The following CCDC85C variants were observed in gnomAD, a reference collection of about 807,000 sequenced individuals.
CCDC85C encodes the protein coiled-coil domain-containing protein 85C.
A neutral mutation model predicts 38.3 loss-of-function variants in CCDC85C; 18 were observed. The observed-to-expected ratio is 0.47, with a 90% CI of 0.33 to 0.70. CCDC85C has a LOEUF of 0.70. Among genes scored for constraint, CCDC85C ranks in the 30% least tolerant of loss-of-function variants. The probability of loss-of-function intolerance (pLI) is 0.03; values close to 1 mark genes in which losing one functional copy is unlikely to be tolerated. For missense variants in CCDC85C, 566 were observed against 621.2 expected, an observed-to-expected ratio of 0.91 and a Z score of 0.94; for synonymous variants, 264 against 293.8, an observed-to-expected ratio of 0.90 and a Z score of 1.04.
intron 1 of CCDC85C, among the ~76,000 whole-genome samples, chr14:99,595,605 T>A (rs987087159): frequency 2.6e-5 from 4 of 152,116 alleles, no homozygotes; most frequent in Admixed American, 1.3e-4. Flanking sequence ...CCACCCCTCC[T>A]CTGAGCTCCC....
Position 99,535,980 on chromosome 14 carries a change from G to A in CCDC85C, c.867+35C>T, listed in dbSNP as rs538976365. 58 of 1,518,072 alleles carry A rather than the reference G, an allele frequency of 3.8e-5. No homozygotes were observed. Among genetic ancestry groups the A allele is most frequent in the South Asian group, 2.6e-4 (22 of 83,372 alleles). The allele number at this position is 1,518,072 out of a possible 1,614,324, so 94.0% of individuals were successfully genotyped here. On this transcript the variant is annotated intron_variant, in intron 2 of 5. Transcript: ENST00000380243. The surrounding 1 kb of genome is among the most constrained non-coding windows in gnomAD (Gnocchi z 5.5). The stretch of plus-strand genomic sequence containing the variant: ...GCTGGAGGGGTGGGTGCTGGGTCGC[G>A]GTCCTCAAGGCAGCGCCACCCGAAG...
intron 1 of CCDC85C, among the ~76,000 whole-genome samples, chr14:99,556,910 GAAAA>G (rs34139658): frequency 6.9e-6 from 1 of 145,884 alleles, no homozygotes; most frequent in East Asian, 2.0e-4. Flanking sequence ...AAATACTTCA[GAAAA>G]AAAAAAAAGT....
chr14:99,560,470 C>T (rs566054773), intron 1 of CCDC85C, among the ~76,000 whole-genome samples: 14 of 152,340 alleles, frequency 9.2e-5, no homozygotes, highest in African/African-American at 3.4e-4. Context: ...GCCATGAGTA[C>T]CACACACAGA....
rs1207014544 is a variant in CCDC85C, at chr14:99,513,138, C to A, written c.*2108G>T. The A allele has an allele frequency of 6.6e-6, 1 of 152,228 alleles. No individual in the cohort carries two copies. Among genetic ancestry groups the A allele is most frequent in the Non-Finnish European group, 1.5e-5 (1 of 68,054 alleles). 9.4% of individuals were successfully genotyped at this position (152,228 alleles called of 1,614,324 possible). On this transcript the variant is annotated 3_prime_UTR_variant, in exon 6 of 6. Coordinates refer to ENST00000380243, the MANE Select transcript of CCDC85C (RefSeq NM_001144995.2). ...GGGGAAAGGTGGCTTCAAGGCTGTT[C>A]TCTGGGCCTGTTTGCAGGAGATCCG...
chr14:99,503,779 A>G lies in CCDC85C; in HGVS notation c.*11467T>C, dbSNP rs563325830. The G allele has an allele frequency of 1.3e-5, 9 of 697,540 alleles. No individual in the cohort carries two copies. The East Asian group carries it at 1.9e-4, about 15-fold the overall frequency. The allele number at this position is 697,540 out of a possible 1,614,324, so 43.2% of individuals were successfully genotyped here. A position where few individuals can be genotyped will look rare whatever the true frequency, so the allele number is the denominator to read the frequency against. ...TTTAGAGCTCATACAAAACTTTTCCATCAGCATTGTCTTTCTGTTCATCAC... is the reference window on the plus strand; with the variant it reads ...TTTAGAGCTCATACAAAACTTTTCCGTCAGCATTGTCTTTCTGTTCATCAC... On this transcript the variant is annotated 3_prime_UTR_variant, in exon 6 of 6. Coordinates refer to ENST00000380243, the MANE Select transcript of CCDC85C (RefSeq NM_001144995.2).
rs188993074 is a variant in CCDC85C, at chr14:99,560,766, G to A, written c.794-24678C>T. ...CAGGTGAGAGAGTGGCCGCCTGGGC[G>A]GAGTCGCAGAACACCAAGCGAGCAG... On this transcript the variant is annotated intron_variant, in intron 1 of 5. Transcript: ENST00000380243. Among the ~76,000 whole-genome samples, 1,298 of 152,312 alleles carry A rather than the reference G, an allele frequency of 8.5e-3. 9 individuals carry two copies. The highest frequency in any genetic ancestry group is 0.014 in the Non-Finnish European group (927 of 68,008).
Position 99,507,255 on chromosome 14 carries a change from A to C in CCDC85C, c.*7991T>G. ...AGGGAGACTGGGGCCCAGATTGACA[A>C]TGTCAGCCACAGGCAGGAATCTTTG... is the stretch of plus-strand genomic sequence containing the variant. On this transcript the variant is annotated 3_prime_UTR_variant, in exon 6 of 6. Transcript: ENST00000380243. 1 of 772,250 alleles carries C rather than the reference A, an allele frequency of 1.3e-6. No individual in the cohort carries two copies. Among genetic ancestry groups the C allele is most frequent in the Non-Finnish European group, 2.3e-6 (1 of 429,348 alleles). 47.8% of individuals were successfully genotyped at this position (772,250 alleles called of 1,614,324 possible). A position where few individuals can be genotyped will look rare whatever the true frequency, so the allele number is the denominator to read the frequency against.
At chr14:99,592,886 G>C (rs1324904091) in intron 1 of CCDC85C, among the ~76,000 whole-genome samples, 1 of 152,236 alleles carries the variant, frequency 6.6e-6, no homozygotes, top group Non-Finnish European at 1.5e-5. Context: ...GCAAAGGCGA[G>C]GGGGAGAAGA....
intron 1 of CCDC85C, among the ~76,000 whole-genome samples, chr14:99,546,101 G>A (rs1298658508): frequency 6.6e-6 from 1 of 152,052 alleles, no homozygotes; most frequent in African/African-American, 2.4e-5. Context: ...TAGAACGCAG[G>A]TGCCAAGCCC....
chr14:99,580,226 C>A, intron 1 of CCDC85C: 1 of 426,596 alleles, frequency 2.3e-6, no homozygotes, highest in Non-Finnish European at 4.7e-6. Flanking sequence ...GCCCAGCCCC[C>A]AGGGACACAG....
In CCDC85C at chr14:99,500,849, A is replaced by G. The variant is rs2069493; in HGVS notation, c.*14397T>C. On this transcript the variant is annotated 3_prime_UTR_variant, in exon 6 of 6. Coordinates refer to ENST00000380243, the MANE Select transcript of CCDC85C (RefSeq NM_001144995.2). ...TAGAACATCCATACCAGTTCCTACT[A>G]AAATATGCAAAGCAACTCAAAGGTA... 4 of 1,548,808 alleles carry G rather than the reference A, an allele frequency of 2.6e-6. No homozygotes were observed. Among genetic ancestry groups the G allele is most frequent in the Non-Finnish European group, 3.5e-6 (4 of 1,144,258 alleles).
In CCDC85C at chr14:99,544,702, T is replaced by G. The variant is rs535130483; in HGVS notation, c.794-8614A>C. On this transcript the variant is annotated intron_variant, in intron 1 of 5. Coordinates refer to ENST00000380243, the MANE Select transcript of CCDC85C (RefSeq NM_001144995.2). The surrounding 1 kb of genome is among the most constrained non-coding windows in gnomAD (Gnocchi z 5.3). ...TGAACTCCATTATCCTTGACCCATC[T>G]CTCCTCCGAGACCTCGCCTCCAAGG... Among the ~76,000 whole-genome samples the G allele has an allele frequency of 1.3e-5, 2 of 151,744 alleles. No homozygotes were observed. The highest frequency in any genetic ancestry group is 3.9e-4 in the East Asian group (2 of 5,158).
chr14:99,582,534 C>T lies in CCDC85C; in HGVS notation c.793+20633G>A, dbSNP rs1279502779. Among the ~76,000 whole-genome samples, 5 of 151,856 alleles carry T rather than the reference C, an allele frequency of 3.3e-5. 1 individual carries two copies. Among genetic ancestry groups the T allele is most frequent in the Admixed American group, 2.6e-4 (4 of 15,228 alleles). On this transcript the variant is annotated intron_variant, in intron 1 of 5. Coordinates refer to ENST00000380243, the MANE Select transcript of CCDC85C (RefSeq NM_001144995.2). Reference sequence around the variant, plus strand: ...TGAACAGAAAAAAAAAATGTTAAGTCGGCTGGGCACAGTGGCTCATGCCTG... The same window carrying T: ...TGAACAGAAAAAAAAAATGTTAAGTTGGCTGGGCACAGTGGCTCATGCCTG...
chr14:99,574,420 A>G (rs945323719), intron 1 of CCDC85C, among the ~76,000 whole-genome samples: 5 of 151,820 alleles, frequency 3.3e-5, no homozygotes, highest in African/African-American at 1.2e-4. Context: ...AGGTCCTGTC[A>G]CACCCCATAC....
At position 99,572,969 on chromosome 14, in the gene CCDC85C, T is replaced by C. The variant is rs1301978489; in HGVS notation, c.793+30198A>G. 3 of 384,484 alleles carry C rather than the reference T, an allele frequency of 7.8e-6. No homozygotes were observed. Among genetic ancestry groups the C allele is most frequent in the Non-Finnish European group, 1.6e-5 (3 of 192,940 alleles). 23.8% of individuals were successfully genotyped at this position (384,484 alleles called of 1,614,324 possible). A position where few individuals can be genotyped will look rare whatever the true frequency, so the allele number is the denominator to read the frequency against. Reference sequence around the variant, plus strand: ...TGCCTTCGCCTCCTACAAGATAGGATGGCAGCAGCCTCAGAGCAGAAGGCA... The same window carrying C: ...TGCCTTCGCCTCCTACAAGATAGGACGGCAGCAGCCTCAGAGCAGAAGGCA... On this transcript the variant is annotated intron_variant, in intron 1 of 5. Coordinates refer to ENST00000380243, the MANE Select transcript of CCDC85C (RefSeq NM_001144995.2). This position sits in a 1 kb window ranked among gnomAD's most constrained non-coding sequence, Gnocchi z 4.4.
intron 1 of CCDC85C, among the ~76,000 whole-genome samples, chr14:99,589,865 G>A (rs1012722868): frequency 3.9e-5 from 6 of 152,176 alleles, no homozygotes; most frequent in African/African-American, 4.8e-5. Context: ...TGCACCCAGG[G>A]GTTCCGAGAG....
intron 2 of CCDC85C, among the ~76,000 whole-genome samples, chr14:99,530,961 T>C (rs1253048485): frequency 6.6e-6 from 1 of 152,236 alleles, no homozygotes. Context: ...TAAATTTCTG[T>C]GGTTTAAGTC....
intron 1 of CCDC85C, among the ~76,000 whole-genome samples, chr14:99,542,965 C>T (rs1408577297): frequency 1.3e-5 from 2 of 152,234 alleles, no homozygotes; most frequent in African/African-American, 4.8e-5. Context: ...GATACCGCAA[C>T]TCCAGGCCTG....
Position 99,545,163 on chromosome 14 carries a change from G to A in CCDC85C, c.794-9075C>T, listed in dbSNP as rs986252989. On this transcript the variant is annotated intron_variant, in intron 1 of 5. Coordinates refer to ENST00000380243, the MANE Select transcript of CCDC85C (RefSeq NM_001144995.2). The surrounding 1 kb of genome is among the most constrained non-coding windows in gnomAD (Gnocchi z 4.7). ...CTCTCAGTGTCATCTGTCCCCTCGTGGGCCACTCTGCTCTGGGCTGGGGAC... is the reference window on the plus strand; with the variant it reads ...CTCTCAGTGTCATCTGTCCCCTCGTAGGCCACTCTGCTCTGGGCTGGGGAC... Among the ~76,000 whole-genome samples the A allele has an allele frequency of 1.3e-5, 2 of 152,158 alleles. No individual in the cohort carries two copies. Among genetic ancestry groups the A allele is most frequent in the African/African-American group, 2.4e-5 (1 of 41,430 alleles).
Sources: allele counts gnomAD v4.1 joint callset (sites outside exome capture counted in the v4.1 genomes callset), GRCh38; gene constraint gnomAD v4.1.1; non-coding constraint Gnocchi (gnomAD v3.1); transcripts MANE v1.5; gene names NCBI Gene and HGNC (gene_info 2026-07-23, HGNC 2026-07-21).